The following SHQ1 variants were observed in gnomAD, a reference collection of about 807,000 sequenced individuals.
The protein encoded by SHQ1 is protein SHQ1 homolog.
In SHQ1, 49 loss-of-function variants were observed where a neutral mutation model predicts 53.8. The ratio of observed to expected loss-of-function variants is 0.91; its 90% CI spans 0.72 to 1.16. The LOEUF is 1.16. SHQ1 is among the 50% of genes most tolerant of loss of function. The probability of loss-of-function intolerance (pLI) is 0.00; values close to 1 mark genes in which losing one functional copy is unlikely to be tolerated. For synonymous variants in SHQ1, 243 were observed against 251.0 expected, an observed-to-expected ratio of 0.97 and a Z score of 0.30; for missense variants, 738 against 683.1, an observed-to-expected ratio of 1.08 and a Z score of -0.90.
chr3:72,765,557 A>ATATATATATTT (rs1491527508), intron 10 of SHQ1, among the ~76,000 whole-genome samples: 6 of 57,194 alleles, frequency 1.0e-4, no homozygotes, highest in African/African-American at 4.8e-4. Flanking sequence ...ATATATATAT[A>ATATATATATTT]TTTTTTTTTT....
At chr3:72,738,234 C>T in the SHQ1 span, among the ~76,000 whole-genome samples, 1 of 152,234 alleles carries the variant, frequency 6.6e-6, no homozygotes, top group East Asian at 1.9e-4. Flanking sequence ...AAAGCCTGAG[C>T]TCTCTCGGGT....
chr3:72,819,520 C>G (rs1349064194), intron 6 of SHQ1, among the ~76,000 whole-genome samples: 1 of 151,940 alleles, frequency 6.6e-6, no homozygotes, highest in Non-Finnish European at 1.5e-5. Context: ...TACATGAAGT[C>G]TCTTTAAGAT....
Position 72,792,944 on chromosome 3 carries a change from C to A in SHQ1, c.1153G>T (p.Asp385Tyr). The change falls in exon 10 of 11, where the codon GAC (aspartate) becomes TAC (tyrosine). Residue 385 changes from aspartate (D) to tyrosine (Y), a missense_variant. Asp to Tyr is a radical substitution (Grantham distance 160, BLOSUM62 -3). Coordinates refer to ENST00000325599, the MANE Select transcript of SHQ1 (RefSeq NM_018130.3). ...AYILNDLYIS[D>Y]YCVWIQKVKS... is the part of the protein sequence containing the mutation. Reference sequence around the variant, plus strand: ...ACTTTCTGAATCCACACACAGTAGTCTGAGATGTAGAGATCATTCAGTATG... The same window carrying A: ...ACTTTCTGAATCCACACACAGTAGTATGAGATGTAGAGATCATTCAGTATG... The A allele has an allele frequency of 6.2e-7, 1 of 1,610,728 alleles. No homozygotes were observed. Among genetic ancestry groups the A allele is most frequent in the Non-Finnish European group, 8.5e-7 (1 of 1,179,574 alleles).
At chr3:72,732,150 A>G in the SHQ1 span, among the ~76,000 whole-genome samples, 1 of 151,528 alleles carries the variant, frequency 6.6e-6, no homozygotes, top group Non-Finnish European at 1.5e-5. Context: ...GGCTCACTGC[A>G]TCATCTCTCC....
chr3:72,766,476 C>T (rs528248755), intron 10 of SHQ1, among the ~76,000 whole-genome samples: 1 of 152,236 alleles, frequency 6.6e-6, no homozygotes, highest in South Asian at 2.1e-4. Flanking sequence ...CAGAAAATGA[C>T]CACAGGTCAT....
chr3:72,773,480 G>T, intron 10 of SHQ1: 1 of 198,584 alleles, frequency 5.0e-6, no homozygotes, highest in East Asian at 1.5e-4. Context: ...CATAAAGACA[G>T]CTTAAAAAAA....
At chr3:72,841,668 T>C (rs533107416) in intron 3 of SHQ1, among the ~76,000 whole-genome samples, 31 of 152,316 alleles carry the variant, frequency 2.0e-4, no homozygotes, top group African/African-American at 7.2e-4. Context: ...CCCAAACTTT[T>C]TGGCACCAGA....
the SHQ1 span, among the ~76,000 whole-genome samples, chr3:72,730,201 G>A: frequency 6.6e-6 from 1 of 151,966 alleles, no homozygotes; most frequent in Non-Finnish European, 1.5e-5. Flanking sequence ...CTGTAGCCCT[G>A]AACTCCTGGG....
At chr3:72,760,975 T>G (rs1160053014) in intron 10 of SHQ1, among the ~76,000 whole-genome samples, 1 of 152,164 alleles carries the variant, frequency 6.6e-6, no homozygotes, top group Non-Finnish European at 1.5e-5. Context: ...TTCTTATAAT[T>G]AGATCGATAA....
chr3:72,812,710 T>C lies in SHQ1; in HGVS notation c.1021A>G (p.Met341Val). Residue 341 changes from methionine (M) to valine (V), a missense_variant, in exon 9 of 11, where the codon ATG becomes GTG. Transcript: ENST00000325599. ...TTTATAGTGTCCCTGTAGGCCTTCATCACCAGCTTGAAATGGCGATAGAGT... is the reference window on the plus strand; with the variant it reads ...TTTATAGTGTCCCTGTAGGCCTTCACCACCAGCTTGAAATGGCGATAGAGT... Reference protein sequence around the residue: ...YPLYRHFKLVMKAYRDTIKIL... With the variant: ...YPLYRHFKLVVKAYRDTIKIL... The C allele has an allele frequency of 6.2e-7, 1 of 1,614,094 alleles. No individual in the cohort carries two copies.
chr3:72,764,073 A>G (rs1457241210), intron 10 of SHQ1, among the ~76,000 whole-genome samples: 1 of 151,962 alleles, frequency 6.6e-6, no homozygotes, highest in Non-Finnish European at 1.5e-5. Context: ...TTCTTTGCGT[A>G]ATAACATGAG....
intron 5 of SHQ1, among the ~76,000 whole-genome samples, chr3:72,831,883 G>A (rs990274908): frequency 6.6e-6 from 1 of 152,176 alleles, no homozygotes; most frequent in African/African-American, 2.4e-5. Context: ...TCTCTACCAC[G>A]AAGAATAATT....
intron 4 of SHQ1, among the ~76,000 whole-genome samples, chr3:72,836,895 G>A (rs981429317): frequency 5.3e-5 from 8 of 152,204 alleles, no homozygotes; most frequent in African/African-American, 1.9e-4. Context: ...TAAGTTTATG[G>A]AAGTTTAGGC....
intron 10 of SHQ1, among the ~76,000 whole-genome samples, chr3:72,751,178 A>G (rs1045385794): frequency 2.0e-5 from 3 of 152,170 alleles, no homozygotes; most frequent in Non-Finnish European, 1.5e-5. Flanking sequence ...TGGGAGGCTG[A>G]GGCGGGTGGA....
chr3:72,806,632 G>A (rs1706955312), intron 9 of SHQ1, among the ~76,000 whole-genome samples: 1 of 152,160 alleles, frequency 6.6e-6, no homozygotes, highest in Non-Finnish European at 1.5e-5. Context: ...GCAAATCTCA[G>A]CATCAGATAG....
intron 10 of SHQ1, among the ~76,000 whole-genome samples, chr3:72,786,949 G>A (rs1353665191): frequency 6.6e-6 from 1 of 152,206 alleles, no homozygotes; most frequent in Non-Finnish European, 1.5e-5. Context: ...TATCTACCCT[G>A]TTCTTAGCAT....
At chr3:72,778,798 C>T (rs1014027369) in intron 10 of SHQ1, among the ~76,000 whole-genome samples, 2 of 152,168 alleles carry the variant, frequency 1.3e-5, no homozygotes, top group African/African-American at 4.8e-5. Context: ...AGTTTAAGTT[C>T]TGTATAGAAA....
At chr3:72,765,079 T>C (rs1475091605) in intron 10 of SHQ1, among the ~76,000 whole-genome samples, 2 of 152,216 alleles carry the variant, frequency 1.3e-5, no homozygotes, top group African/African-American at 4.8e-5. Flanking sequence ...CCTACTCTAA[T>C]GGTTCCATTG....
chr3:72,823,351 G>C (rs1455154094), intron 6 of SHQ1, among the ~76,000 whole-genome samples: 1 of 151,948 alleles, frequency 6.6e-6, no homozygotes, highest in Non-Finnish European at 1.5e-5. Flanking sequence ...CACTATACTA[G>C]ACACTGAAAA....
Sources: allele counts gnomAD v4.1 joint callset (sites outside exome capture counted in the v4.1 genomes callset), GRCh38; gene constraint gnomAD v4.1.1; transcripts MANE v1.5; gene names NCBI Gene and HGNC (gene_info 2026-07-23, HGNC 2026-07-21).